The following TMLHE variants were observed in gnomAD, a reference collection of about 807,000 sequenced individuals.
TMLHE encodes the protein trimethyllysine hydroxylase, epsilon, also known as trimethyllysine dioxygenase, mitochondrial.
Under a neutral mutation model 25.7 loss-of-function variants are expected in TMLHE, and 18 were observed. The ratio of observed to expected loss-of-function variants is 0.70; its 90% CI spans 0.48 to 1.04. The LOEUF is 1.04. TMLHE is among the 50% of genes least tolerant of loss of function. The pLI is 0.00. For missense variants in TMLHE, 236 were observed against 259.0 expected (o/e 0.91, Z 0.61); for synonymous variants, 105 against 97.0 (o/e 1.08, Z -0.49).
chrX:155,540,585 A>C (rs1169318764), intron 2 of TMLHE, among the ~76,000 whole-genome samples: 3 of 111,478 alleles, frequency 2.7e-5, no homozygotes, highest in Non-Finnish European at 3.8e-5. Context: ...GCAACACAAA[A>C]CCATATGAAA....
rs782753522 is a variant in TMLHE at position 155,606,356 on chromosome X, C to G, written c.-2+6436G>C. Among the ~76,000 whole-genome samples, 578 of 111,600 alleles carry G rather than the reference C, an allele frequency of 5.2e-3. 7 individuals carry two copies. In the South Asian group the frequency reaches 0.053, roughly 10 times the overall value. ...CCACACAGTCAGCCATAAGACAATT[C>G]TCAGCAAATTAAAAATTTTTAAAAC... On this transcript the variant is annotated intron_variant, in intron 1 of 7. Transcript: ENST00000334398.
chrX:155,611,115 T>C lies in TMLHE; in HGVS notation c.-2+1677A>G, dbSNP rs1297311457. On this transcript the variant is annotated intron_variant, in intron 1 of 7. Transcript: ENST00000334398. ...AAACCATTTGGGAAATCATGAGGTA[T>C]TTTCCTCATCCAGAAGAACACTCAC... Among the ~76,000 whole-genome samples the C allele has an allele frequency of 1.3e-4, 15 of 111,682 alleles. No homozygotes were observed. The Admixed American group carries it at 1.4e-3, about 11-fold the overall frequency.
At chrX:155,529,277 G>A (rs1405182967) in intron 2 of TMLHE, among the ~76,000 whole-genome samples, 1 of 111,607 alleles carries the variant, frequency 9.0e-6, no homozygotes, top group Non-Finnish European at 1.9e-5. Context: ...AACACAGAGA[G>A]GAGCTTGGCA....
At chrX:155,547,896 C>G (rs1242654766) in intron 1 of TMLHE, among the ~76,000 whole-genome samples, 4 of 110,749 alleles carry the variant, frequency 3.6e-5, no homozygotes, top group Non-Finnish European at 7.6e-5. Context: ...TCCACACCTG[C>G]TATAGACACA....
intron 1 of TMLHE, among the ~76,000 whole-genome samples, chrX:155,610,548 C>T (rs2067812755): frequency 9.0e-6 from 1 of 111,557 alleles, no homozygotes; most frequent in Non-Finnish European, 1.9e-5. Flanking sequence ...CTTACTTTGA[C>T]AATTTATTAG....
rs2124333157 is a variant in TMLHE at position 155,511,896 on chromosome X, A to G, written c.639-104T>C. On this transcript the variant is annotated intron_variant, in intron 4 of 7. Transcript: ENST00000334398. ...TCTTTAGTTACTCACAAATAACAGT[A>G]GATTTTTTTGGTTCCAGAATTTAAT... is the stretch of plus-strand genomic sequence containing the variant. 4 of 898,462 alleles carry G rather than the reference A, an allele frequency of 4.5e-6. No individual in the cohort carries two copies. In the South Asian group the frequency reaches 1.4e-4, roughly 32 times the overall value. The allele number at this position is 898,462 out of a possible 1,213,427, so 74.0% of individuals were successfully genotyped here.
Position 155,545,117 on chromosome X carries a change from G to C in TMLHE, c.160C>G (p.Gln54Glu). The C allele has an allele frequency of 2.5e-6, 3 of 1,208,502 alleles. No individual in the cohort carries two copies. The highest frequency in any genetic ancestry group is 3.4e-6 in the Non-Finnish European group (3 of 893,995). The part of the protein sequence containing the change: ...TASKSLTCAW[Q>E]QHEDHFELKY... ...TTACCAAAATGATCTTCATGTTGCT[G>C]CCAAGCACAAGTCAGAGACTTGGAG... Residue 54 changes from glutamine (Q) to glutamate (E), a missense_variant, in exon 2 of 8, where the codon CAG becomes GAG. Transcript: ENST00000334398.
intron 1 of TMLHE, among the ~76,000 whole-genome samples, chrX:155,547,346 G>A (rs908157081): frequency 1.8e-5 from 2 of 108,199 alleles, no homozygotes; most frequent in African/African-American, 3.4e-5. Context: ...GGGTTTCACC[G>A]TGTTAGCCAG....
At chrX:155,592,699 A>G (rs2067700392) in intron 1 of TMLHE, among the ~76,000 whole-genome samples, 1 of 112,329 alleles carries the variant, frequency 8.9e-6, no homozygotes, top group African/African-American at 3.2e-5. Flanking sequence ...CCTTGGGTCA[A>G]GTAGAAACAA....
At chrX:155,561,312 A>G (rs1557341826) in intron 1 of TMLHE, among the ~76,000 whole-genome samples, 2 of 60,793 alleles carry the variant, frequency 3.3e-5, no homozygotes, top group African/African-American at 7.3e-5. Context: ...AGTGGGGGGA[A>G]TTGCCACACT....
chrX:155,570,800 C>A lies in TMLHE; in HGVS notation c.-1-25523G>T, dbSNP rs782018040. 1.2e-4 allele frequency among the ~76,000 whole-genome samples: 7 copies of A among 57,099 alleles called. 3 individuals are homozygous for A. Among genetic ancestry groups the A allele is most frequent in the Admixed American group, 8.1e-4 (4 of 4,913 alleles). The allele number at this position is 57,099 out of a possible 115,157, so 49.6% of individuals were successfully genotyped here. On this transcript the variant is annotated intron_variant, in intron 1 of 7. Transcript: ENST00000334398. ...TCTTTGAAACCAATGAGAACAAAGA[C>A]ACAACATACCAGAATCTCTGGGACA...
At chrX:155,544,118 T>C (rs1557338461) in intron 2 of TMLHE, among the ~76,000 whole-genome samples, 8 of 111,649 alleles carry the variant, frequency 7.2e-5, no homozygotes, top group Non-Finnish European at 1.3e-4. Context: ...TTCTCAGTCT[T>C]TGGAGTGCAT....
intron 1 of TMLHE, among the ~76,000 whole-genome samples, chrX:155,585,696 A>G (rs2067659817): frequency 9.0e-6 from 1 of 111,545 alleles, no homozygotes; most frequent in Non-Finnish European, 1.9e-5. Flanking sequence ...AAACTGGTAA[A>G]CTGATCCTTA....
rs2067512435 is a variant in TMLHE, at chrX:155,566,688, G to A, written c.-1-21411C>T. Among the ~76,000 whole-genome samples, 2 of 61,520 alleles carry A rather than the reference G, an allele frequency of 3.3e-5. 1 individual carries two copies. Among genetic ancestry groups the A allele is most frequent in the South Asian group, 2.0e-3 (2 of 1,004 alleles). 53.4% of individuals were successfully genotyped at this position (61,520 alleles called of 115,157 possible). ...TCCCTTTTTATGGGTTGAGGTACAC[G>A]CTGAGAGAGTAGGTATATGTGACTA... On this transcript the variant is annotated intron_variant, in intron 1 of 7. Transcript: ENST00000334398.
intron 1 of TMLHE, among the ~76,000 whole-genome samples, chrX:155,557,667 A>G (rs982195633): frequency 3.6e-5 from 4 of 110,976 alleles, no homozygotes; most frequent in Non-Finnish European, 5.7e-5. Context: ...AAATATTCCT[A>G]TCCTCATGAA....
chrX:155,508,238 G>A (rs2067087309), intron 5 of TMLHE, among the ~76,000 whole-genome samples: 2 of 111,161 alleles, frequency 1.8e-5, no homozygotes, highest in Admixed American at 1.9e-4. Flanking sequence ...TCAAACTTAT[G>A]AGGGAAAATA....
At chrX:155,522,445 C>G (rs180871517) in intron 3 of TMLHE, among the ~76,000 whole-genome samples, 1 of 111,880 alleles carries the variant, frequency 8.9e-6, no homozygotes, top group East Asian at 2.8e-4. Context: ...GTGTGCATAG[C>G]TCTATGCAGT....
Position 155,545,190 on chromosome X carries a change from G to A in TMLHE, c.87C>T (p.Pro29=). Residue 29 remains proline (P), a synonymous_variant, in exon 2 of 8, where the codon CCC becomes CCT. Transcript: ENST00000334398. ...CTAAAGGAAGTAAGCTTTTGAAGTT[G>A]GGCTGTGGAAGGGCCGGATATATGA... ...GGVIYPALPQ[P]NFKSLLPLAV... is the part of the protein sequence containing the mutation. 8.3e-7 allele frequency: 1 copy of A among 1,210,207 alleles called. No homozygotes were observed. Among genetic ancestry groups the A allele is most frequent in the South Asian group, 1.8e-5 (1 of 56,839 alleles).
At chrX:155,603,550 C>T (rs2124500309) in intron 1 of TMLHE, among the ~76,000 whole-genome samples, 1 of 111,872 alleles carries the variant, frequency 8.9e-6, no homozygotes, top group East Asian at 2.8e-4. Flanking sequence ...ATAGTCAAGA[C>T]AGTAGGGACT....
Sources: allele counts gnomAD v4.1 joint callset (sites outside exome capture counted in the v4.1 genomes callset), GRCh38; gene constraint gnomAD v4.1.1; transcripts MANE v1.5; gene names NCBI Gene and HGNC (gene_info 2026-07-23, HGNC 2026-07-21).